The following TMEM255B variants were observed in gnomAD, a reference collection of about 807,000 sequenced individuals.
TMEM255B encodes the protein transmembrane protein 255B.
In TMEM255B, 35 loss-of-function variants were observed where a neutral mutation model predicts 34.5. The observed-to-expected ratio is 1.01, with a 90% confidence interval of 0.77 to 1.34. The LOEUF (loss-of-function observed/expected upper bound fraction) is 1.34, where lower values mean the gene tolerates loss of function less well. TMEM255B is among the 40% of genes most tolerant of loss of function. The probability of loss-of-function intolerance (pLI) is 0.00; values close to 1 mark genes in which losing one functional copy is unlikely to be tolerated. For missense variants in TMEM255B, 432 were observed against 433.2 expected (o/e 1.00, Z 0.02); for synonymous variants, 206 against 201.2 (o/e 1.02, Z -0.20).
chr13:113,797,152 T>C (rs1427946834), intron 4 of TMEM255B, among the ~76,000 whole-genome samples: 1 of 151,354 alleles, frequency 6.6e-6, no homozygotes, highest in Non-Finnish European at 1.5e-5. Flanking sequence ...CGGGCGCCTG[T>C]CCATTCTGGA....
rs891461453 is a variant in TMEM255B, at chr13:113,764,490, C to A, written c.47-1625C>A. ...TTCAGAAGGAGGGCCTCACTCCACA[C>A]CAGTGGTGCTGGGCTGAGGGGTGCA... On this transcript the variant is annotated intron_variant, in intron 1 of 8. Coordinates refer to ENST00000375353, the MANE Select transcript of TMEM255B (RefSeq NM_182614.4). Among the ~76,000 whole-genome samples, 47 of 152,188 alleles carry A rather than the reference C, an allele frequency of 3.1e-4. 2 individuals carry two copies. Among genetic ancestry groups the A allele is most frequent in the Admixed American group, 6.5e-5 (1 of 15,280 alleles).
chr13:113,781,930 C>G (rs113235777), intron 3 of TMEM255B, among the ~76,000 whole-genome samples: 1,701 of 152,232 alleles, frequency 0.011, 33 homozygotes, highest in South Asian at 0.083. Flanking sequence ...ATATTCTTTT[C>G]TTTAATACCT....
At chr13:113,776,596 C>T (rs1390603796) in intron 3 of TMEM255B, among the ~76,000 whole-genome samples, 1 of 152,224 alleles carries the variant, frequency 6.6e-6, no homozygotes, top group African/African-American at 2.4e-5. Flanking sequence ...GCCCTCGCCT[C>T]AGGACGCCTG....
chr13:113,787,587 C>G (rs1157119722), intron 3 of TMEM255B, among the ~76,000 whole-genome samples: 1 of 152,108 alleles, frequency 6.6e-6, no homozygotes, highest in East Asian at 1.9e-4. Flanking sequence ...CTGGGACACC[C>G]GCATGGCAGG....
chr13:113,811,208 G>C (rs2051294155), intron 8 of TMEM255B, among the ~76,000 whole-genome samples: 1 of 114,270 alleles, frequency 8.8e-6, no homozygotes, highest in Non-Finnish European at 1.8e-5. Flanking sequence ...AGAGGTCCTG[G>C]ATCTGTGGGG....
At chr13:113,799,543 C>A in intron 5 of TMEM255B, 124 bp downstream of exon 5, 1 of 885,924 alleles carries the variant, frequency 1.1e-6, no homozygotes. Context: ...GGGGTCACCC[C>A]TGCAGCTGGT....
At chr13:113,808,013 A>C (rs1168185109) in intron 8 of TMEM255B, among the ~76,000 whole-genome samples, 4 of 152,202 alleles carry the variant, frequency 2.6e-5, no homozygotes, top group African/African-American at 9.7e-5. Context: ...CCTTTGTGCC[A>C]GGCCAGCATG....
At position 113,790,470 on chromosome 13, in the gene TMEM255B, G is replaced by A. The variant is rs61966710; in HGVS notation, c.253-4678G>A. 2.3e-3 allele frequency among the ~76,000 whole-genome samples: 174 copies of A among 76,842 alleles called. 1 individual carries two copies. The highest frequency in any genetic ancestry group is 8.1e-3 in the African/African-American group (165 of 20,322). 50.4% of individuals were successfully genotyped at this position (76,842 alleles called of 152,430 possible). A position where few individuals can be genotyped will look rare whatever the true frequency, so the allele number is the denominator to read the frequency against. Reference sequence around the variant, plus strand: ...TCCTAGCTGTGGACTGACCGGACACGTAGACATCCTAGCACTGAACTGACT... The same window carrying A: ...TCCTAGCTGTGGACTGACCGGACACATAGACATCCTAGCACTGAACTGACT... On this transcript the variant is annotated intron_variant, in intron 3 of 8. Coordinates refer to ENST00000375353, the MANE Select transcript of TMEM255B (RefSeq NM_182614.4).
intron 4 of TMEM255B, among the ~76,000 whole-genome samples, chr13:113,798,677 TGATGGGTGGATG>T (rs1247035994): frequency 1.4e-5 from 2 of 147,476 alleles, no homozygotes; most frequent in African/African-American, 5.1e-5. Context: ...AATGGATGGA[TGATGGGTGGATG>T]GATGGAAGGA....
rs141701439 is a variant in TMEM255B at position 113,799,358 on chromosome 13, C to T, written c.362C>T (p.Thr121Met). ...CTCTAGGAACCGAGGCCCCTCACCACGGGAAGATGCCAGTTTTACTCCAGT... is the reference window on the plus strand; with the variant it reads ...CTCTAGGAACCGAGGCCCCTCACCATGGGAAGATGCCAGTTTTACTCCAGT... ...AQHIEPRPLT[T>M]GRCQFYSSGV... The change falls in exon 5 of 9, where the codon ACG becomes ATG. Residue 121 changes from threonine (T) to methionine (M), a missense_variant. Thr to Met is a moderately conservative substitution (Grantham distance 81). Transcript: ENST00000375353. 4.8e-4 allele frequency: 767 copies of T among 1,613,972 alleles called. 1 individual carries two copies. Among genetic ancestry groups the T allele is most frequent in the Non-Finnish European group, 6.1e-4 (722 of 1,180,020 alleles).
intron 8 of TMEM255B, among the ~76,000 whole-genome samples, chr13:113,809,203 G>A (rs1437349395): frequency 2.8e-5 from 4 of 144,770 alleles, no homozygotes; most frequent in Non-Finnish European, 4.5e-5. Flanking sequence ...ATGGTCCTGG[G>A]GGTTTACTCC....
chr13:113,799,662 T>G, intron 5 of TMEM255B: 3 of 650,630 alleles, frequency 4.6e-6, no homozygotes, highest in Non-Finnish European at 8.5e-6. Context: ...AGTCTCAGAG[T>G]GCACGTGTCC....
chr13:113,802,141 G>T (rs2051077660), intron 7 of TMEM255B, among the ~76,000 whole-genome samples: 1 of 152,362 alleles, frequency 6.6e-6, no homozygotes, highest in Non-Finnish European at 1.5e-5. Flanking sequence ...ACTGCCTGGG[G>T]CTTCAGATGG....
chr13:113,799,444 G>A lies in TMEM255B; in HGVS notation c.423+25G>A, dbSNP rs866224825. On this transcript the variant is annotated intron_variant, in intron 5 of 8. Coordinates refer to ENST00000375353, the MANE Select transcript of TMEM255B (RefSeq NM_182614.4). ...GGTGAGCAGGAGCACTGAGATTCAT[G>A]TGGGTTTTGCTCAGCTAACCCCGCC... The A allele has an allele frequency of 5.0e-6, 8 of 1,608,912 alleles. No individual in the cohort carries two copies. The African/African-American group carries it at 5.3e-5, about 11-fold the overall frequency.
At chr13:113,784,754 G>T (rs1185158746) in intron 3 of TMEM255B, among the ~76,000 whole-genome samples, 1 of 151,984 alleles carries the variant, frequency 6.6e-6, no homozygotes, top group African/African-American at 2.4e-5. Flanking sequence ...TAAAGTGAGA[G>T]AAAAGACAAG....
intron 1 of TMEM255B, among the ~76,000 whole-genome samples, chr13:113,765,316 T>C (rs2050371211): frequency 6.6e-6 from 1 of 152,238 alleles, no homozygotes; most frequent in Non-Finnish European, 1.5e-5. Flanking sequence ...TAACAATCCC[T>C]TCCTTGGGTG....
chr13:113,801,653 C>G lies in TMEM255B; in HGVS notation c.510C>G (p.Ser170Arg). The G allele has an allele frequency of 6.2e-7, 1 of 1,604,974 alleles. No individual in the cohort carries two copies. The highest frequency in any genetic ancestry group is 8.5e-7 in the Non-Finnish European group (1 of 1,174,756). The change falls in exon 7 of 9, where the codon AGC becomes AGG. Residue 170 changes from serine to arginine, a missense_variant and splice_region_variant. Ser to Arg is a moderately radical substitution (Grantham distance 110, BLOSUM62 -1). Transcript: ENST00000375353. ...ACGCCATGGTGCCCTCTCTGTGCAG[C>G]GCAGAGCCCTCGCCCGCCTACTATG... ...CYCCDLYACG[S>R]AEPSPAYYEF...
intron 1 of TMEM255B, among the ~76,000 whole-genome samples, chr13:113,763,691 C>G (rs1011700675): frequency 6.6e-6 from 1 of 152,178 alleles, no homozygotes; most frequent in African/African-American, 2.4e-5. Flanking sequence ...TTGCATTTTT[C>G]AGTACTTTAT....
In TMEM255B at chr13:113,801,676, A is replaced by G. The variant is rs1370087900; in HGVS notation, c.533A>G (p.Tyr178Cys). Residue 178 changes from tyrosine (Y) to cysteine (C), a missense_variant, in exon 7 of 9, where the codon TAT (tyrosine) becomes TGT (cysteine). Tyr to Cys is a radical substitution (Grantham distance 194). Transcript: ENST00000375353. ...AGCGCAGAGCCCTCGCCCGCCTACT[A>G]TGAGTTCATCGGCGTCAGCGGCTGC... is the stretch of plus-strand genomic sequence containing the variant. The part of the protein sequence containing the change: ...CGSAEPSPAY[Y>C]EFIGVSGCQD... 19 of 1,611,766 alleles carry G rather than the reference A, an allele frequency of 1.2e-5. No homozygotes were observed. Among genetic ancestry groups the G allele is most frequent in the African/African-American group, 2.7e-5 (2 of 74,836 alleles).
Sources: gnomAD v4.1 joint callset for allele counts (sites outside exome capture counted in the v4.1 genomes callset) on GRCh38, gnomAD v4.1.1 for gene constraint, MANE v1.5 for transcripts, NCBI Gene and HGNC (gene_info 2026-07-23, HGNC 2026-07-21) for gene names.